PRKN: variants seen among roughly 807,000 people sequenced by gnomAD.
PRKN encodes parkin RBR E3 ubiquitin protein ligase.
A neutral mutation model predicts 59.5 loss-of-function variants in PRKN; 56 were observed. The ratio of observed to expected loss-of-function variants is 0.94; its 90% CI spans 0.76 to 1.18. PRKN has a LOEUF of 1.18. Ranked by LOEUF, PRKN falls within the 50% of genes most tolerant of loss-of-function variation. The probability of loss-of-function intolerance (pLI) is 0.00; values close to 1 mark genes in which losing one functional copy is unlikely to be tolerated. For missense variants in PRKN, 657 were observed against 596.4 expected, an observed-to-expected ratio of 1.10 and a Z score of -1.06; for synonymous variants, 250 against 222.1, an observed-to-expected ratio of 1.13 and a Z score of -1.12.
In PRKN at chr6:162,507,882, A is replaced by G. The variant is rs541818551; in HGVS notation, c.8-64409T>C. On this transcript the variant is annotated intron_variant, in intron 1 of 11. Transcript: ENST00000366898. ...ATGGATTACCGAATAAATGTTAGTT[A>G]AATTACTGAATACTCAACGAAGTAG... Among the ~76,000 whole-genome samples the G allele has an allele frequency of 2.6e-5, 4 of 152,322 alleles. No homozygotes were observed. The East Asian group carries it at 7.7e-4, about 29-fold the overall frequency.
intron 5 of PRKN, among the ~76,000 whole-genome samples, chr6:161,986,414 C>T (rs1356688742): frequency 1.3e-5 from 2 of 152,168 alleles, no homozygotes; most frequent in Non-Finnish European, 2.9e-5. Flanking sequence ...TAGGTCTTCC[C>T]TCCCCAACAT....
intron 4 of PRKN, among the ~76,000 whole-genome samples, chr6:162,170,479 A>G (rs1376106257): frequency 6.6e-6 from 1 of 152,238 alleles, no homozygotes; most frequent in Non-Finnish European, 1.5e-5. Context: ...CAAACAAAAT[A>G]CAGTAAAGGA....
chr6:162,197,758 A>G (rs1438876808), intron 4 of PRKN, among the ~76,000 whole-genome samples: 1 of 152,240 alleles, frequency 6.6e-6, no homozygotes, highest in African/African-American at 2.4e-5. Context: ...TGAAGCCATC[A>G]TAATTGCTAT....
chr6:162,008,359 G>C (rs1404780288), intron 5 of PRKN, among the ~76,000 whole-genome samples: 1 of 152,108 alleles, frequency 6.6e-6, no homozygotes, highest in Non-Finnish European at 1.5e-5. Context: ...ACCCTACATG[G>C]GCTACATGAG....
chr6:162,488,932 G>A (rs189808214), intron 1 of PRKN, among the ~76,000 whole-genome samples: 113 of 152,230 alleles, frequency 7.4e-4, no homozygotes, highest in African/African-American at 2.6e-3. Context: ...ACTAAGAAGG[G>A]GGTAAAGGTG....
At chr6:161,964,993 C>T (rs985696566) in intron 6 of PRKN, among the ~76,000 whole-genome samples, 4 of 152,058 alleles carry the variant, frequency 2.6e-5, no homozygotes, top group African/African-American at 7.3e-5. Flanking sequence ...TAAGACATAA[C>T]AAATGCATTC....
chr6:162,670,776 C>T (rs990835767), intron 1 of PRKN, among the ~76,000 whole-genome samples: 2 of 152,132 alleles, frequency 1.3e-5, no homozygotes, highest in African/African-American at 2.4e-5. Flanking sequence ...ACCATATTTA[C>T]AATTTTTTCC....
rs1332101099 is a variant in PRKN, at chr6:162,384,965, A to C, written c.171+58345T>G. ...CTTTTGTTGCTCTGTGTCCCACTTTAGTATGAAGGGGCCTATGTTTATATC... is the reference window on the plus strand; with the variant it reads ...CTTTTGTTGCTCTGTGTCCCACTTTCGTATGAAGGGGCCTATGTTTATATC... On this transcript the variant is annotated intron_variant, in intron 2 of 11. Coordinates refer to ENST00000366898, the MANE Select transcript of PRKN (RefSeq NM_004562.3). Among the ~76,000 whole-genome samples the C allele has an allele frequency of 2.0e-5, 3 of 152,170 alleles. No individual in the cohort carries two copies. In the South Asian group the frequency reaches 6.2e-4, roughly 31 times the overall value.
At chr6:162,083,218 A>G (rs1281325052) in intron 4 of PRKN, among the ~76,000 whole-genome samples, 1 of 152,102 alleles carries the variant, frequency 6.6e-6, no homozygotes, top group East Asian at 1.9e-4. Context: ...TACTTTTGAA[A>G]GACAAAGTCT....
chr6:161,761,189 T>C (rs769987860), intron 7 of PRKN, among the ~76,000 whole-genome samples: 7 of 152,248 alleles, frequency 4.6e-5, no homozygotes, highest in Admixed American at 6.5e-5. Flanking sequence ...TTGCCTTGAA[T>C]AAATCAATTC....
At chr6:162,199,041 T>C (rs147321167) in intron 4 of PRKN, among the ~76,000 whole-genome samples, 146 of 152,298 alleles carry the variant, frequency 9.6e-4, no homozygotes, top group African/African-American at 3.3e-3. Flanking sequence ...TGAGTTTCCC[T>C]CTCACCTCTT....
chr6:162,664,355 C>T (rs2803095), intron 1 of PRKN, among the ~76,000 whole-genome samples: 48,415 of 152,030 alleles, frequency 0.32, 8,567 homozygotes, highest in Non-Finnish European at 0.41. Context: ...AATAAACATA[C>T]GTGTACATAT....
At chr6:162,124,702 G>C (rs181410086) in intron 4 of PRKN, among the ~76,000 whole-genome samples, 2 of 152,062 alleles carry the variant, frequency 1.3e-5, no homozygotes, top group Admixed American at 1.3e-4. Context: ...AAAATGCCAC[G>C]GGATTAAAAA....
rs1423880907 is a variant in PRKN at position 161,487,945 on chromosome 6, A to T, written c.1083+60909T>A. ...AACACATATTTACTGAATACCTACAAAACTTCTATGACTAAAACCAATGAG... is the reference window on the plus strand; with the variant it reads ...AACACATATTTACTGAATACCTACATAACTTCTATGACTAAAACCAATGAG... On this transcript the variant is annotated intron_variant, in intron 9 of 11. Coordinates refer to ENST00000366898, the MANE Select transcript of PRKN (RefSeq NM_004562.3). The surrounding 1 kb of genome is among the most constrained non-coding windows in gnomAD (Gnocchi z 5.3). 6.6e-6 allele frequency among the ~76,000 whole-genome samples: 1 copy of T among 152,152 alleles called. No homozygotes were observed. Among genetic ancestry groups the T allele is most frequent in the Non-Finnish European group, 1.5e-5 (1 of 68,032 alleles).
At chr6:162,221,351 T>G (rs1777926060) in intron 3 of PRKN, among the ~76,000 whole-genome samples, 1 of 152,200 alleles carries the variant, frequency 6.6e-6, no homozygotes, top group Non-Finnish European at 1.5e-5. Flanking sequence ...ATATGTGTCA[T>G]TGCTGTGACA....
intron 1 of PRKN, among the ~76,000 whole-genome samples, chr6:162,455,820 T>C (rs1331369564): frequency 6.6e-6 from 1 of 152,116 alleles, no homozygotes; most frequent in Admixed American, 6.6e-5. Flanking sequence ...TGTATTAAAC[T>C]GAAGAACATT....
rs1029658469 is a variant in PRKN, at chr6:161,550,103, T to G, written c.934-1100A>C. 7.9e-5 allele frequency among the ~76,000 whole-genome samples: 12 copies of G among 152,266 alleles called. No individual in the cohort carries two copies. The highest frequency in any genetic ancestry group is 2.9e-4 in the African/African-American group (12 of 41,548). ...CAAGTCACATGGATCCCTGGGGGAATAAGCATTCCAGACAAGCAGAGAATA... is the reference window on the plus strand; with the variant it reads ...CAAGTCACATGGATCCCTGGGGGAAGAAGCATTCCAGACAAGCAGAGAATA... On this transcript the variant is annotated intron_variant, in intron 8 of 11. Coordinates refer to ENST00000366898, the MANE Select transcript of PRKN (RefSeq NM_004562.3). The surrounding 1 kb of genome is among the most constrained non-coding windows in gnomAD (Gnocchi z 4.0).
At chr6:162,123,568 A>G (rs1175627789) in intron 4 of PRKN, among the ~76,000 whole-genome samples, 1 of 152,234 alleles carries the variant, frequency 6.6e-6, no homozygotes, top group Non-Finnish European at 1.5e-5. Flanking sequence ...TGTTGCAAGT[A>G]AGAAGAAACT....
chr6:161,914,378 A>G (rs538395805), intron 6 of PRKN, among the ~76,000 whole-genome samples: 1 of 152,294 alleles, frequency 6.6e-6, no homozygotes, highest in Non-Finnish European at 1.5e-5. Flanking sequence ...GTAGGCATGC[A>G]TACTTCTATA....
Sources: gnomAD v4.1 joint callset for allele counts (sites outside exome capture counted in the v4.1 genomes callset) on GRCh38, gnomAD v4.1.1 for gene constraint, Gnocchi (gnomAD v3.1) non-coding constraint, MANE v1.5 for transcripts, NCBI Gene and HGNC (gene_info 2026-07-23, HGNC 2026-07-21) for gene names.